The following JAG2 variants were observed in gnomAD, a reference collection of about 807,000 sequenced individuals.
JAG2 encodes protein jagged-2.
A neutral mutation model predicts 141.7 loss-of-function variants in JAG2; 46 were observed. That is an observed-to-expected ratio of 0.32 (90% CI 0.26 to 0.42). The LOEUF (loss-of-function observed/expected upper bound fraction) is 0.42. Among genes scored for constraint, JAG2 ranks in the 10% least tolerant of loss-of-function variants. The probability of loss-of-function intolerance (pLI) is 1.00; values close to 1 mark genes in which losing one functional copy is unlikely to be tolerated. For missense variants in JAG2, 1,500 were observed against 1,817.5 expected, an observed-to-expected ratio of 0.83 and a Z score of 3.18; for synonymous variants, 862 against 763.5, an observed-to-expected ratio of 1.13 and a Z score of -2.13.
rs587655987 is a variant in JAG2, at chr14:105,146,779, C to T, written c.2480-55G>A. 6.9e-5 allele frequency: 96 copies of T among 1,393,732 alleles called. No homozygotes were observed. The South Asian group carries it at 1.1e-3, about 15-fold the overall frequency. 86.3% of individuals were successfully genotyped at this position (1,393,732 alleles called of 1,614,324 possible). A position where few individuals can be genotyped will look rare whatever the true frequency, so the allele number is the denominator to read the frequency against. ...AGTGAGGCCAACGCCCACCGCAGGACCGGCATGGCCTAGGGCAGCGGGGAG... is the reference window on the plus strand; with the variant it reads ...AGTGAGGCCAACGCCCACCGCAGGATCGGCATGGCCTAGGGCAGCGGGGAG... On this transcript the variant is annotated intron_variant, in intron 20 of 25. Coordinates refer to ENST00000331782, the MANE Select transcript of JAG2 (RefSeq NM_002226.5).
intron 2 of JAG2, among the ~76,000 whole-genome samples, chr14:105,166,059 T>A (rs924175626): frequency 6.6e-6 from 1 of 152,192 alleles, no homozygotes; most frequent in African/African-American, 2.4e-5. Flanking sequence ...GACTCTGCCC[T>A]GGCCCCCAAC....
Position 105,149,284 on chromosome 14 carries a change from T to G in JAG2, c.1639A>C (p.Asn547His), listed in dbSNP as rs1346822922. 5.0e-6 allele frequency: 8 copies of G among 1,612,688 alleles called. No homozygotes were observed. The Middle Eastern group carries it at 8.3e-4, about 166-fold the overall frequency. Residue 547 changes from asparagine to histidine, a missense_variant, in exon 13 of 26, where the codon AAC becomes CAC. By Grantham distance (68) the Asn-to-His change is moderately conservative. Coordinates refer to ENST00000331782, the MANE Select transcript of JAG2 (RefSeq NM_002226.5). ...VDLCEPSPCR[N>H]GARCYNLEGD... is the part of the protein sequence containing the mutation. ...TCCAGGTTATAGCAGCGAGCGCCGT[T>G]CCGGCAGGGGCTTGGCTCACAAAGG... is the stretch of plus-strand genomic sequence containing the variant.
In JAG2 at chr14:105,167,775, G is replaced by A; in HGVS notation, c.399C>T (p.Pro133=). 1.4e-6 allele frequency: 2 copies of A among 1,463,036 alleles called. No homozygotes were observed. The highest frequency in any genetic ancestry group is 9.0e-7 in the Non-Finnish European group (1 of 1,109,602). 90.6% of individuals were successfully genotyped at this position (1,463,036 alleles called of 1,614,324 possible). ...CACGTACCGGCCAGGCGAACTGGAA[G>A]GGGATGACGACGAGGCCCGGGTCCT... ...GDQDPGLVVI[P]FQFAWPRSFT... Residue 133 remains proline (P), a synonymous_variant, in exon 2 of 26, where the codon CCC becomes CCT. Transcript: ENST00000331782. The surrounding 1 kb of genome is among the most constrained non-coding windows in gnomAD (Gnocchi z 4.8).
chr14:105,151,456 A>G (rs1029343051), intron 8 of JAG2, 60 bp from the exon 9 acceptor site: 2 of 1,508,546 alleles, frequency 1.3e-6, no homozygotes, highest in African/African-American at 2.7e-5. Context: ...TAAGGTCCCC[A>G]TGGGCAGGTG....
chr14:105,150,154 C>G (rs1200077191), intron 12 of JAG2, among the ~76,000 whole-genome samples: 2 of 150,402 alleles, frequency 1.3e-5, no homozygotes, highest in Non-Finnish European at 3.0e-5. Context: ...GGGTCCAGTA[C>G]CAACAGATGG....
intron 12 of JAG2, 25 bp from the exon 13 acceptor site, chr14:105,149,345 G>A (rs1385903981): frequency 6.2e-7 from 1 of 1,612,296 alleles, no homozygotes; most frequent in Non-Finnish European, 8.5e-7. Flanking sequence ...GTGCCTGTGA[G>A]AGCCTAGGCC....
At chr14:105,145,136 G>C (rs1845918365) in intron 23 of JAG2, 75 bp from the exon 24 acceptor site, 2 of 1,574,766 alleles carry the variant, frequency 1.3e-6, no homozygotes, top group Non-Finnish European at 8.6e-7. Flanking sequence ...CTGGCGCTGT[G>C]GGTACACGTG....
chr14:105,159,150 C>T (rs1888659391), intron 2 of JAG2, among the ~76,000 whole-genome samples: 1 of 151,492 alleles, frequency 6.6e-6, no homozygotes, highest in African/African-American at 2.4e-5. Flanking sequence ...CCCCACACCT[C>T]CGACTGTCCC....
intron 2 of JAG2, among the ~76,000 whole-genome samples, chr14:105,164,296 C>A (rs919321824): frequency 2.0e-5 from 3 of 152,162 alleles, no homozygotes; most frequent in Non-Finnish European, 4.4e-5. Flanking sequence ...TTGAACCAGA[C>A]CCCCAATGTA....
chr14:105,145,811 G>T lies in JAG2; in HGVS notation c.2872C>A (p.Pro958Thr). 6.4e-7 allele frequency: 1 copy of T among 1,568,932 alleles called. No homozygotes were observed. The highest frequency in any genetic ancestry group is 1.2e-5 in the South Asian group (1 of 85,466). The change falls in exon 23 of 26, where the codon CCC becomes ACC. Residue 958 changes from proline to threonine, a missense_variant. By Grantham distance (38) the Pro-to-Thr change is conservative. Coordinates refer to ENST00000331782, the MANE Select transcript of JAG2 (RefSeq NM_002226.5). Reference protein sequence around the residue: ...ECGAEEPPSTPCLPRSGHLDN... With the variant: ...ECGAEEPPSTTCLPRSGHLDN... ...AGGTGGCCGGAGCGTGGCAGGCAGG[G>T]GGTGCTCGGTGGCTCTTCTGCGCCG...
At position 105,143,056 on chromosome 14, in the gene JAG2, G is replaced by A. The variant is rs772753236; in HGVS notation, c.3356C>T (p.Pro1119Leu). The change falls in exon 26 of 26, where the codon CCG becomes CTG. Residue 1119 changes from proline to leucine, a missense_variant. This residue lies in a region of JAG2 where 425 missense variants were observed against 441.0 expected (regional missense o/e 0.96). Coordinates refer to ENST00000331782, the MANE Select transcript of JAG2 (RefSeq NM_002226.5). ...CTGGTTGTTGGCGCTCTCCTCCCGCGGCAGCCGGCTCCTCTCCCGCTCTTT... is the reference window on the plus strand; with the variant it reads ...CTGGTTGTTGGCGCTCTCCTCCCGCAGCAGCCGGCTCCTCTCCCGCTCTTT... ...RRKERERSRL[P>L]REESANNQWA... The A allele has an allele frequency of 1.4e-5, 23 of 1,602,532 alleles. No homozygotes were observed. The highest frequency in any genetic ancestry group is 3.3e-5 in the South Asian group (3 of 91,070).
chr14:105,155,677 T>TGTGCCCGGGGCC, intron 4 of JAG2, 55 bp from the exon 5 acceptor site: 1 of 1,612,318 alleles, frequency 6.2e-7, no homozygotes, highest in Non-Finnish European at 8.5e-7. Flanking sequence ...CCGCAAGGCC[T>TGTGCCCGGGGCC]GTGCCCGGGG....
At position 105,150,705 on chromosome 14, in the gene JAG2, C is replaced by A; in HGVS notation, c.1501G>T (p.Glu501Ter). The stretch of plus-strand genomic sequence containing the variant: ...CTGTGGCAGGGGCTGCTGGCACACT[C>A]GTCTCGTTCCAGCTCGCAATGCCGG... ...GGRHCELERD[E>*]CASSPCHSGG... The change falls in exon 12 of 26, where the codon GAG (glutamate) becomes TAG (stop). Residue 501 changes from glutamate to a stop codon, truncating the protein, a stop_gained. Coordinates refer to ENST00000331782, the MANE Select transcript of JAG2 (RefSeq NM_002226.5). LOFTEE classifies it high-confidence loss of function. 6.4e-7 allele frequency: 1 copy of A among 1,560,340 alleles called. No individual in the cohort carries two copies. The highest frequency in any genetic ancestry group is 8.7e-7 in the Non-Finnish European group (1 of 1,152,610).
At chr14:105,165,814 G>A (rs1450554615) in intron 2 of JAG2, among the ~76,000 whole-genome samples, 2 of 152,212 alleles carry the variant, frequency 1.3e-5, no homozygotes, top group African/African-American at 4.8e-5. Context: ...TAGCCTCCAG[G>A]CTGAAACCCC....
At chr14:105,150,513 CT>C (rs1888388102) in intron 12 of JAG2, 90 bp downstream of exon 12, 1 of 1,332,304 alleles carries the variant, frequency 7.5e-7, no homozygotes, top group South Asian at 1.4e-5. Flanking sequence ...TGCAGCACCC[CT>C]GGGTCACTCA....
chr14:105,146,081 CA>C (rs1888214486), intron 22 of JAG2, 108 bp from the exon 23 acceptor site: 1 of 1,508,798 alleles, frequency 6.6e-7, no homozygotes, highest in South Asian at 1.2e-5. Flanking sequence ...CAAGGAGGGA[CA>C]CCGCCCAAGT....
chr14:105,167,557 G>T lies in JAG2; in HGVS notation c.417+200C>A, dbSNP rs944186851. The stretch of plus-strand genomic sequence containing the variant: ...CCCCGCCGCGACCCCGCTCCCGGTG[G>T]CCCCGGGGCCCCGGCGCGCCCACGT... On this transcript the variant is annotated intron_variant, in intron 2 of 25. Coordinates refer to ENST00000331782, the MANE Select transcript of JAG2 (RefSeq NM_002226.5). This position sits in a 1 kb window ranked among gnomAD's most constrained non-coding sequence, Gnocchi z 4.8. Among the ~76,000 whole-genome samples the T allele has an allele frequency of 6.8e-6, 1 of 146,964 alleles. No individual in the cohort carries two copies. Among genetic ancestry groups the T allele is most frequent in the African/African-American group, 2.4e-5 (1 of 40,820 alleles).
At chr14:105,145,706 G>A (rs1257128087) in intron 23 of JAG2, 25 bp downstream of exon 23, 2 of 1,578,906 alleles carry the variant, frequency 1.3e-6, no homozygotes, top group South Asian at 1.2e-5. Context: ...GCCTCTGCAA[G>A]CTCAGATGCC....
At chr14:105,152,445 C>T (rs902259040) in intron 5 of JAG2, among the ~76,000 whole-genome samples, 154 bp from the exon 6 acceptor site, 3 of 152,154 alleles carry the variant, frequency 2.0e-5, no homozygotes, top group African/African-American at 4.8e-5. Context: ...GGGGTTGCAG[C>T]CCTGCCGGCC....
Sources: allele counts gnomAD v4.1 joint callset (sites outside exome capture counted in the v4.1 genomes callset), GRCh38; gene constraint gnomAD v4.1.1; regional missense constraint gnomAD v4.1.1; non-coding constraint Gnocchi (gnomAD v3.1); transcripts MANE v1.5; gene names NCBI Gene and HGNC (gene_info 2026-07-23, HGNC 2026-07-21).